BANK1: variants seen among roughly 807,000 people sequenced by gnomAD.
BANK1 encodes B cell scaffold protein with ankyrin repeats 1, also known as B-cell scaffold protein with ankyrin repeats.
BANK1 carries 95 observed loss-of-function variants against 94.5 expected under a neutral mutation model. The ratio of observed to expected loss-of-function variants is 1.00; its 90% CI spans 0.85 to 1.19. The LOEUF (loss-of-function observed/expected upper bound fraction) is 1.19, where lower values mean the gene tolerates loss of function less well. Ranked by LOEUF, BANK1 falls within the 50% of genes most tolerant of loss-of-function variation. The pLI, the probability that BANK1 is intolerant of heterozygous loss-of-function variation, is 0.00. For missense variants in BANK1, 987 were observed against 932.2 expected, an observed-to-expected ratio of 1.06 and a Z score of -0.77; for synonymous variants, 334 against 308.4, an observed-to-expected ratio of 1.08 and a Z score of -0.87.
chr4:101,943,357 G>A (rs111680255), intron 7 of BANK1, among the ~76,000 whole-genome samples: 1 of 151,942 alleles, frequency 6.6e-6, no homozygotes, highest in Non-Finnish European at 1.5e-5. Flanking sequence ...AACATCAAAC[G>A]CAAGAGATCC....
intron 7 of BANK1, among the ~76,000 whole-genome samples, chr4:102,001,905 A>G (rs73834545): frequency 9.5e-4 from 144 of 152,306 alleles, no homozygotes; most frequent in African/African-American, 3.1e-3. Context: ...AAGCTTAACA[A>G]TGTTACTTAA....
At chr4:102,013,362 G>C (rs569753911) in intron 7 of BANK1, among the ~76,000 whole-genome samples, 1 of 152,140 alleles carries the variant, frequency 6.6e-6, no homozygotes, top group East Asian at 1.9e-4. Flanking sequence ...GCTGGGAGAA[G>C]GCCAGCTAGT....
intron 11 of BANK1, among the ~76,000 whole-genome samples, chr4:102,055,237 G>T (rs796126302): frequency 3.2e-4 from 49 of 151,984 alleles, no homozygotes; most frequent in African/African-American, 1.1e-3. Context: ...CCATCTCATG[G>T]AGTAGAACTA....
intron 2 of BANK1, among the ~76,000 whole-genome samples, chr4:101,854,263 C>T (rs1038095161): frequency 6.6e-6 from 1 of 152,008 alleles, no homozygotes; most frequent in Admixed American, 6.6e-5. Flanking sequence ...ACATTTTGGG[C>T]TTTGAGACAC....
intron 7 of BANK1, among the ~76,000 whole-genome samples, chr4:101,997,372 G>A (rs1045507378): frequency 2.0e-5 from 3 of 152,106 alleles, no homozygotes; most frequent in African/African-American, 7.2e-5. Flanking sequence ...GTTCATCAGT[G>A]ATATTGGCCT....
chr4:101,960,054 G>A (rs1724516760), intron 7 of BANK1, among the ~76,000 whole-genome samples: 1 of 152,136 alleles, frequency 6.6e-6, no homozygotes, highest in African/African-American at 2.4e-5. Context: ...AAGAAAACAT[G>A]AAGTCCAGAT....
chr4:102,039,205 A>G (rs1410536074), intron 10 of BANK1, among the ~76,000 whole-genome samples: 6 of 152,126 alleles, frequency 3.9e-5, no homozygotes, highest in Non-Finnish European at 8.8e-5. Context: ...GTCTGTGTCC[A>G]CACCTTGAAT....
intron 10 of BANK1, among the ~76,000 whole-genome samples, chr4:102,037,789 G>A (rs945093980): frequency 6.6e-6 from 1 of 152,176 alleles, no homozygotes; most frequent in Non-Finnish European, 1.5e-5. Context: ...AACCATATAT[G>A]TACAGTGGCC....
rs542203822 is a variant in BANK1, at chr4:102,030,884, G to C, written c.1900+619G>C. The stretch of plus-strand genomic sequence containing the variant: ...TTCCAAGTCTTTGCTATTATGAATA[G>C]TGCCACAATAAACATACATGTGCAT... On this transcript the variant is annotated intron_variant, in intron 10 of 16. Coordinates refer to ENST00000322953, the MANE Select transcript of BANK1 (RefSeq NM_017935.5). Among the ~76,000 whole-genome samples, 201 of 152,250 alleles carry C rather than the reference G, an allele frequency of 1.3e-3. 1 individual carries two copies. The highest frequency in any genetic ancestry group is 4.8e-3 in the African/African-American group (199 of 41,544).
chr4:101,962,798 C>T (rs2544570), intron 7 of BANK1, among the ~76,000 whole-genome samples: 1 of 151,986 alleles, frequency 6.6e-6, no homozygotes, highest in Admixed American at 6.6e-5. Flanking sequence ...GTATAGTGTT[C>T]TAGTATGGCA....
At chr4:102,026,367 TAA>T in intron 9 of BANK1, among the ~76,000 whole-genome samples, 1 of 144,078 alleles carries the variant, frequency 6.9e-6, no homozygotes, top group South Asian at 2.2e-4. Context: ...ACAATTTAGT[TAA>T]AAAAAAAAAA....
intron 7 of BANK1, among the ~76,000 whole-genome samples, chr4:101,972,957 G>A (rs1030708872): frequency 6.6e-6 from 1 of 151,984 alleles, no homozygotes; most frequent in Non-Finnish European, 1.5e-5. Context: ...GGAGAGAGTA[G>A]AATAGTGGTT....
At chr4:101,844,684 A>C (rs1352168174) in intron 2 of BANK1, among the ~76,000 whole-genome samples, 1 of 152,214 alleles carries the variant, frequency 6.6e-6, no homozygotes, top group East Asian at 1.9e-4. Flanking sequence ...TAGTAAAATC[A>C]TAATTCTTCT....
At chr4:102,015,610 T>C (rs575481718) in intron 7 of BANK1, among the ~76,000 whole-genome samples, 1 of 152,208 alleles carries the variant, frequency 6.6e-6, no homozygotes, top group South Asian at 2.1e-4. Flanking sequence ...TTTGGAGGAG[T>C]GTCCTGGAAA....
At chr4:101,828,741 TC>T (rs1726477513) in intron 1 of BANK1, among the ~76,000 whole-genome samples, 1 of 152,202 alleles carries the variant, frequency 6.6e-6, no homozygotes, top group African/African-American at 2.4e-5. Context: ...TTGAAAATGC[TC>T]TAAAGAAATC....
At chr4:101,846,743 C>G (rs1375857041) in intron 2 of BANK1, among the ~76,000 whole-genome samples, 1 of 152,104 alleles carries the variant, frequency 6.6e-6, no homozygotes, top group African/African-American at 2.4e-5. Context: ...GGGGAAACCA[C>G]CCCCGTGATC....
chr4:102,073,781 A>G, intron 16 of BANK1, 33 bp downstream of exon 16: 1 of 1,548,706 alleles, frequency 6.5e-7, no homozygotes. Flanking sequence ...TTTTTAGAAA[A>G]TCTAAAGCAG....
intron 6 of BANK1, among the ~76,000 whole-genome samples, chr4:101,904,026 G>GC (rs915287045): frequency 9.8e-4 from 149 of 152,290 alleles, no homozygotes; most frequent in African/African-American, 3.4e-3. Flanking sequence ...TCAATTGCTT[G>GC]CCCCACAAAC....
chr4:102,056,937 G>A (rs1181745752), intron 11 of BANK1, among the ~76,000 whole-genome samples: 3 of 152,150 alleles, frequency 2.0e-5, no homozygotes, highest in Non-Finnish European at 4.4e-5. Flanking sequence ...CTCAGGAGGC[G>A]GAGATTGCAG....
Sources: gnomAD v4.1 joint callset for allele counts (sites outside exome capture counted in the v4.1 genomes callset) on GRCh38, gnomAD v4.1.1 for gene constraint, MANE v1.5 for transcripts, NCBI Gene and HGNC (gene_info 2026-07-23, HGNC 2026-07-21) for gene names.